NIPA1: variants seen among roughly 807,000 people sequenced by gnomAD.
NIPA1 encodes NIPA magnesium transporter 1.
NIPA1 carries 13 observed loss-of-function variants against 23.9 expected under a neutral mutation model. That is an observed-to-expected ratio of 0.54 (90% CI 0.35 to 0.87). The LOEUF is 0.87. NIPA1 is among the 40% of genes least tolerant of loss of function. The probability of loss-of-function intolerance (pLI) is 0.01; values close to 1 mark genes in which losing one functional copy is unlikely to be tolerated. For missense variants in NIPA1, 362 were observed against 429.7 expected, an observed-to-expected ratio of 0.84 and a Z score of 1.39; for synonymous variants, 234 against 202.9, an observed-to-expected ratio of 1.15 and a Z score of -1.30.
At chr15:22,796,995 C>T (rs974522009) in intron 1 of NIPA1, among the ~76,000 whole-genome samples, 5 of 151,326 alleles carry the variant, frequency 3.3e-5, no homozygotes, top group Admixed American at 6.6e-5. Flanking sequence ...GAAAGTGGAA[C>T]TTACTCATCT....
Position 22,823,995 on chromosome 15 carries a change from A to G in NIPA1, c.746A>G (p.Asn249Ser), listed in dbSNP as rs780114915. ...CSIIVQFRYI[N>S]KALECFDSSV... The stretch of plus-strand genomic sequence containing the variant: ...ATCATCGTCCAGTTCAGGTACATCA[A>G]CAAGGCGCTGGAGTGCTTCGACTCC... Residue 249 changes from asparagine to serine, a missense_variant, in exon 5 of 5, where the codon AAC becomes AGC. Transcript: ENST00000337435. The G allele has an allele frequency of 4.3e-6, 7 of 1,614,136 alleles. No individual in the cohort carries two copies. The highest frequency in any genetic ancestry group is 1.7e-5 in the Admixed American group (1 of 60,024).
intron 1 of NIPA1, among the ~76,000 whole-genome samples, chr15:22,799,557 C>T (rs1356865795): frequency 1.3e-5 from 2 of 151,888 alleles, no homozygotes; most frequent in African/African-American, 2.4e-5. Context: ...CCAAGGTGGG[C>T]AGATCACGAG....
intron 3 of NIPA1, among the ~76,000 whole-genome samples, chr15:22,818,796 C>CAATA (rs977331223): frequency 5.3e-5 from 8 of 152,012 alleles, no homozygotes; most frequent in Admixed American, 4.6e-4. Flanking sequence ...GACTCTGTCT[C>CAATA]AATAAATGAA....
At chr15:22,813,667 A>G (rs1339120295) in intron 3 of NIPA1, 5 of 456,094 alleles carry the variant, frequency 1.1e-5, no homozygotes, top group Non-Finnish European at 1.3e-5. Context: ...AAGTGTGTCC[A>G]TGATGGGTGT....
intron 3 of NIPA1, 76 bp from the exon 4 acceptor site, chr15:22,820,237 G>A (rs1423734312): frequency 3.8e-6 from 4 of 1,060,396 alleles, no homozygotes; most frequent in Non-Finnish European, 5.8e-6. Context: ...GGTTTTTCTA[G>A]ATAAAATATC....
At chr15:22,803,527 G>C (rs1305246582) in intron 1 of NIPA1, among the ~76,000 whole-genome samples, 1 of 18,084 alleles carries the variant, frequency 5.5e-5, no homozygotes, top group African/African-American at 2.6e-4. Context: ...TTTTTTTTTT[G>C]AGACGGAGTC....
intron 3 of NIPA1, chr15:22,813,761 A>G: frequency 4.5e-6 from 2 of 448,670 alleles, no homozygotes; most frequent in Non-Finnish European, 9.0e-6. Flanking sequence ...CGCCTTGAGA[A>G]TGTGTGTGTG....
Position 22,824,202 on chromosome 15 carries a change from T to G in NIPA1, c.953T>G (p.Leu318Arg), listed in dbSNP as rs747332825. 55 of 1,613,522 alleles carry G rather than the reference T, an allele frequency of 3.4e-5. 1 individual carries two copies. In the South Asian group the frequency reaches 5.8e-4, roughly 17 times the overall value. Residue 318 changes from leucine to arginine, a missense_variant, in exon 5 of 5, where the codon CTT becomes CGT. Physicochemically the swap from Leu to Arg is moderately radical, Grantham distance 102. Transcript: ENST00000337435. This position sits in a 1 kb window ranked among gnomAD's most constrained non-coding sequence, Gnocchi z 4.1. Reference protein sequence around the residue: ...IQVFKEFNFNLGEMNKSNMKT... With the variant: ...IQVFKEFNFNRGEMNKSNMKT... Reference sequence around the variant, plus strand: ...GTGTTCAAAGAGTTCAATTTCAACCTTGGGGAGATGAACAAATCTAATATG... The same window carrying G: ...GTGTTCAAAGAGTTCAATTTCAACCGTGGGGAGATGAACAAATCTAATATG...
intron 1 of NIPA1, among the ~76,000 whole-genome samples, chr15:22,800,666 C>T (rs537215923): frequency 3.3e-5 from 5 of 151,986 alleles, no homozygotes; most frequent in Non-Finnish European, 5.9e-5. Context: ...TCGTGGCTCA[C>T]GCCTGTAATC....
chr15:22,810,043 C>T lies in NIPA1; in HGVS notation c.179-706C>T, dbSNP rs559835928. ...CCTGGGCAACAAGAGTGAAACTCTGCCTCAAAAAAAAAAGTGCTTAGGAGC... is the reference window on the plus strand; with the variant it reads ...CCTGGGCAACAAGAGTGAAACTCTGTCTCAAAAAAAAAAGTGCTTAGGAGC... On this transcript the variant is annotated intron_variant, in intron 1 of 4. Coordinates refer to ENST00000337435, the MANE Select transcript of NIPA1 (RefSeq NM_144599.5). Among the ~76,000 whole-genome samples, 109 of 124,978 alleles carry T rather than the reference C, an allele frequency of 8.7e-4. 1 individual carries two copies. The highest frequency in any genetic ancestry group is 5.4e-3 in the African/African-American group (105 of 19,526). The allele number at this position is 124,978 out of a possible 152,430, so 82.0% of individuals were successfully genotyped here.
intron 1 of NIPA1, among the ~76,000 whole-genome samples, chr15:22,797,772 G>A (rs1346357822): frequency 6.6e-6 from 1 of 151,584 alleles, no homozygotes; most frequent in African/African-American, 2.4e-5. Context: ...CAAAGTATTG[G>A]GATTACAGCA....
Position 22,826,971 on chromosome 15 carries a change from G to A in NIPA1, c.*2732G>A, listed in dbSNP as rs1566790474. ...GATAGTATTTATTTTAAAAAATTATGTTTTCATCATTCATTTGAAAATGAA... is the reference window on the plus strand; with the variant it reads ...GATAGTATTTATTTTAAAAAATTATATTTTCATCATTCATTTGAAAATGAA... On this transcript the variant is annotated 3_prime_UTR_variant, in exon 5 of 5. Coordinates refer to ENST00000337435, the MANE Select transcript of NIPA1 (RefSeq NM_144599.5). The A allele has an allele frequency of 6.6e-6, 1 of 151,996 alleles. No homozygotes were observed. The highest frequency in any genetic ancestry group is 1.5e-5 in the Non-Finnish European group (1 of 68,008). 9.4% of individuals were successfully genotyped at this position (151,996 alleles called of 1,614,324 possible). A position where few individuals can be genotyped will look rare whatever the true frequency, so the allele number is the denominator to read the frequency against.
In NIPA1 at chr15:22,801,053, G is replaced by A. The variant is rs987886295; in HGVS notation, c.179-9696G>A. ...CATGCCACTGCACTCCAGCTTGGGT[G>A]ACAAGAGTAAAACTCCAGCTCAAGA... On this transcript the variant is annotated intron_variant, in intron 1 of 4. Coordinates refer to ENST00000337435, the MANE Select transcript of NIPA1 (RefSeq NM_144599.5). 6.1e-5 allele frequency among the ~76,000 whole-genome samples: 9 copies of A among 148,430 alleles called. No homozygotes were observed. In the South Asian group the frequency reaches 1.8e-3, roughly 29 times the overall value.
chr15:22,821,839 T>C (rs1320530430), intron 4 of NIPA1, among the ~76,000 whole-genome samples: 1 of 152,212 alleles, frequency 6.6e-6, no homozygotes, highest in Non-Finnish European at 1.5e-5. Context: ...TTGGAATGGA[T>C]TTCATGGAAA....
At chr15:22,806,212 C>T (rs1005391619) in intron 1 of NIPA1, among the ~76,000 whole-genome samples, 25 of 152,302 alleles carry the variant, frequency 1.6e-4, no homozygotes, top group Admixed American at 7.8e-4. Flanking sequence ...CGTGAGCCAC[C>T]GCGCCCGGCC....
At chr15:22,804,573 T>G (rs1895162645) in intron 1 of NIPA1, among the ~76,000 whole-genome samples, 1 of 152,172 alleles carries the variant, frequency 6.6e-6, no homozygotes, top group Non-Finnish European at 1.5e-5. Flanking sequence ...TTCTTAGAGC[T>G]TCACAGCTTT....
intron 1 of NIPA1, among the ~76,000 whole-genome samples, chr15:22,788,259 T>C (rs919801944): frequency 2.6e-5 from 4 of 151,968 alleles, no homozygotes; most frequent in Non-Finnish European, 5.9e-5. Flanking sequence ...CCCAGCACTT[T>C]GGGAGGCCGA....
chr15:22,792,711 T>C (rs1894858340), intron 1 of NIPA1, among the ~76,000 whole-genome samples: 1 of 151,936 alleles, frequency 6.6e-6, no homozygotes, highest in Non-Finnish European at 1.5e-5. Flanking sequence ...CCCAGCACTT[T>C]AGGAGGCCGA....
In NIPA1 at chr15:22,820,397, C is replaced by T. The variant is rs1178612887; in HGVS notation, c.402C>T (p.Val134=). 1.5e-5 allele frequency: 24 copies of T among 1,611,792 alleles called. No individual in the cohort carries two copies. The highest frequency in any genetic ancestry group is 3.3e-5 in the Admixed American group (2 of 59,980). ...LGCLLSCAGS[V]VLIIHSPKSE... Reference sequence around the variant, plus strand: ...GCCTGCTAAGCTGTGCAGGCTCCGTCGTGCTGATTATCCACTCCCCAAAGT... The same window carrying T: ...GCCTGCTAAGCTGTGCAGGCTCCGTTGTGCTGATTATCCACTCCCCAAAGT... The change falls in exon 4 of 5, where the codon GTC becomes GTT. Residue 134 remains valine, a synonymous_variant. Transcript: ENST00000337435.
Sources: gnomAD v4.1 joint callset for allele counts (sites outside exome capture counted in the v4.1 genomes callset) on GRCh38, gnomAD v4.1.1 for gene constraint, Gnocchi (gnomAD v3.1) non-coding constraint, MANE v1.5 for transcripts, NCBI Gene and HGNC (gene_info 2026-07-23, HGNC 2026-07-21) for gene names.